PCDH11X: variants seen among roughly 807,000 people sequenced by gnomAD.
PCDH11X encodes the protein protocadherin-11 X-linked.
Under a neutral mutation model 53.3 loss-of-function variants are expected in PCDH11X, and 18 were observed. The ratio of observed to expected loss-of-function variants is 0.34; its 90% confidence interval spans 0.23 to 0.50. PCDH11X has a LOEUF of 0.50. Among genes scored for constraint, PCDH11X ranks in the 20% least tolerant of loss-of-function variants. PCDH11X has a pLI of 0.98. For missense variants in PCDH11X, 570 were observed against 1,032.4 expected (o/e 0.55, Z 6.14); for synonymous variants, 279 against 393.3 (o/e 0.71, Z 3.44).
intron 6 of PCDH11X, among the ~76,000 whole-genome samples, chrX:91,977,571 A>G (rs1234349767): frequency 9.0e-6 from 1 of 111,202 alleles, no homozygotes; most frequent in East Asian, 2.9e-4. Flanking sequence ...AAGCATTTGT[A>G]GTGAATATCC....
rs1303110085 is a variant in PCDH11X at position 91,809,543 on chromosome X, TC to T, written c.-299del. ...TGGAATATCTTAACAAAACACATTTTCCTTAAGTAAATTCATGCATACTCCA... is the reference window on the plus strand; with the variant it reads ...TGGAATATCTTAACAAAACACATTTTCTTAAGTAAATTCATGCATACTCCA... On this transcript the variant is annotated 5_prime_UTR_variant, in exon 2 of 11. An upstream open reading frame in the 5' UTR loses its in-frame stop. Coordinates refer to ENST00000682573, the MANE Select transcript of PCDH11X (RefSeq NM_032968.5). 9.5e-6 allele frequency among the ~76,000 whole-genome samples: 1 copy of T among 105,332 alleles called. No individual in the cohort carries two copies. Among genetic ancestry groups the T allele is most frequent in the Non-Finnish European group, 2.0e-5 (1 of 51,215 alleles). The allele number at this position is 105,332 out of a possible 115,157, so 91.5% of individuals were successfully genotyped here. A position where few individuals can be genotyped will look rare whatever the true frequency, so the allele number is the denominator to read the frequency against.
chrX:91,791,398 T>C (rs761151496), intron 1 of PCDH11X, among the ~76,000 whole-genome samples: 28 of 110,252 alleles, frequency 2.5e-4, no homozygotes, highest in African/African-American at 8.6e-4. Flanking sequence ...AGTCACGTCT[T>C]ATATGGCCAA....
rs550786484 is a variant in PCDH11X at position 91,966,276 on chromosome X, T to C, written c.3033+87003T>C. ...ATCTATGTTTACCCAAAAACAACTG[T>C]CTATGGGACTATTGGGTCAGTTTCA... On this transcript the variant is annotated intron_variant, in intron 6 of 10. Coordinates refer to ENST00000682573, the MANE Select transcript of PCDH11X (RefSeq NM_032968.5). Among the ~76,000 whole-genome samples, 60 of 110,934 alleles carry C rather than the reference T, an allele frequency of 5.4e-4. 2 individuals are homozygous for C. In the South Asian group the frequency reaches 0.022, roughly 41 times the overall value.
chrX:92,338,793 A>T (rs1025691353), intron 8 of PCDH11X, among the ~76,000 whole-genome samples: 4 of 112,023 alleles, frequency 3.6e-5, no homozygotes, highest in Non-Finnish European at 7.5e-5. Context: ...AAGCTCAGGT[A>T]TCAGAGAAAA....
intron 6 of PCDH11X, among the ~76,000 whole-genome samples, chrX:91,939,409 G>C (rs2061482570): frequency 9.0e-6 from 1 of 110,719 alleles, no homozygotes; most frequent in Non-Finnish European, 1.9e-5. Context: ...GAGGAGGTGT[G>C]AGACAGGCAG....
chrX:91,921,588 T>C (rs1170752220), intron 6 of PCDH11X, among the ~76,000 whole-genome samples: 1 of 107,174 alleles, frequency 9.3e-6, no homozygotes, highest in Non-Finnish European at 1.9e-5. Context: ...AATTAACTTA[T>C]TGTACTTAGT....
chrX:92,600,591 G>A (rs1926121455), intron 10 of PCDH11X, among the ~76,000 whole-genome samples: 1 of 110,219 alleles, frequency 9.1e-6, no homozygotes, highest in Admixed American at 9.7e-5. Flanking sequence ...GTGCTGCAGG[G>A]GCAGAATCCT....
intron 10 of PCDH11X, among the ~76,000 whole-genome samples, chrX:92,529,329 G>A (rs2074514046): frequency 9.2e-6 from 1 of 108,460 alleles, no homozygotes; most frequent in Non-Finnish European, 1.9e-5. Flanking sequence ...ACATGCCTGT[G>A]ATACCTTTCA....
At chrX:91,856,471 T>G (rs896142426) in intron 5 of PCDH11X, among the ~76,000 whole-genome samples, 5 of 109,859 alleles carry the variant, frequency 4.6e-5, no homozygotes, top group African/African-American at 1.3e-4. Flanking sequence ...TTATTATCAT[T>G]TTTAAGTTCC....
intron 8 of PCDH11X, among the ~76,000 whole-genome samples, chrX:92,287,544 CTCAT>C (rs1267423405): frequency 1.8e-5 from 2 of 111,754 alleles, no homozygotes; most frequent in African/African-American, 6.5e-5. Flanking sequence ...ATTTAATGTG[CTCAT>C]TCAATCAACC....
chrX:92,064,855 G>A (rs915124254), intron 6 of PCDH11X, among the ~76,000 whole-genome samples: 7 of 102,042 alleles, frequency 6.9e-5, no homozygotes, highest in African/African-American at 1.6e-4. Context: ...CTGGGAAAGC[G>A]GGTAGCTTCT....
rs772032852 is a variant in PCDH11X, at chrX:92,485,614, TAAACTTAGAAG to T, written c.3367+17297_3367+17307del. 4.5e-5 allele frequency among the ~76,000 whole-genome samples: 5 copies of T among 112,044 alleles called. No homozygotes were observed. In the South Asian group the frequency reaches 1.8e-3, roughly 41 times the overall value. On this transcript the variant is annotated intron_variant, in intron 10 of 10. Transcript: ENST00000682573. The stretch of plus-strand genomic sequence containing the variant: ...AGATTGATGAAATGGCCAGTTATGT[TAAACTTAGAAG>T]AAACATTTCTTACTAGAAAAGAACA...
At chrX:92,318,241 A>C (rs1039728103) in intron 8 of PCDH11X, among the ~76,000 whole-genome samples, 1 of 111,236 alleles carries the variant, frequency 9.0e-6, no homozygotes, top group African/African-American at 3.3e-5. Context: ...TTTCAAAATT[A>C]CTCTGTTTTT....
chrX:92,290,074 T>C (rs1309113018), intron 8 of PCDH11X, among the ~76,000 whole-genome samples: 1 of 111,816 alleles, frequency 8.9e-6, no homozygotes, highest in African/African-American at 3.2e-5. Flanking sequence ...CAAATAATTT[T>C]TTATCAGCTA....
chrX:91,859,965 T>C (rs1267768426), intron 5 of PCDH11X, among the ~76,000 whole-genome samples: 3 of 111,448 alleles, frequency 2.7e-5, no homozygotes, highest in Non-Finnish European at 5.7e-5. Context: ...TGATTCTATA[T>C]GAATTTTAAA....
intron 6 of PCDH11X, among the ~76,000 whole-genome samples, chrX:91,974,074 ATT>A (rs749801022): frequency 9.0e-6 from 1 of 111,351 alleles, no homozygotes; most frequent in African/African-American, 3.3e-5. Flanking sequence ...CTGGAAAAAA[ATT>A]TTTTTTATAT....
intron 6 of PCDH11X, among the ~76,000 whole-genome samples, chrX:91,925,395 A>G (rs917021907): frequency 2.1e-4 from 24 of 111,741 alleles, no homozygotes; most frequent in Non-Finnish European, 3.2e-4. Flanking sequence ...AAAGTAAAAA[A>G]AAATCCTAAG....
intron 6 of PCDH11X, among the ~76,000 whole-genome samples, chrX:91,970,424 T>A: frequency 9.0e-6 from 1 of 111,407 alleles, no homozygotes; most frequent in East Asian, 2.8e-4. Context: ...TACAATCCTT[T>A]AGCTAGATAG....
At chrX:92,617,362 T>C (rs1003995264) in intron 10 of PCDH11X, among the ~76,000 whole-genome samples, 1 of 111,985 alleles carries the variant, frequency 8.9e-6, no homozygotes, top group African/African-American at 3.2e-5. Flanking sequence ...TGTGGATATG[T>C]CTATTTATCC....
Sources: gnomAD v4.1 joint callset for allele counts (sites outside exome capture counted in the v4.1 genomes callset) on GRCh38, gnomAD v4.1.1 for gene constraint, MANE v1.5 for transcripts, NCBI Gene and HGNC (gene_info 2026-07-23, HGNC 2026-07-21) for gene names.